The following ANO4 variants were observed in gnomAD, a reference collection of about 807,000 sequenced individuals.
ANO4 encodes anoctamin 4.
In ANO4, 69 loss-of-function variants were observed where a neutral mutation model predicts 141.9. The ratio of observed to expected loss-of-function variants is 0.49; its 90% confidence interval spans 0.40 to 0.59. ANO4 has a LOEUF of 0.59. Among genes scored for constraint, ANO4 ranks in the 20% least tolerant of loss-of-function variants. The pLI, the probability that ANO4 is intolerant of heterozygous loss-of-function variation, is 0.00. For missense variants in ANO4, 894 were observed against 1,162.2 expected (o/e 0.77, Z 3.36); for synonymous variants, 350 against 394.3 (o/e 0.89, Z 1.33).
intron 7 of ANO4, among the ~76,000 whole-genome samples, chr12:100,984,086 T>C (rs1290098411): frequency 1.3e-5 from 2 of 152,116 alleles, no homozygotes; most frequent in African/African-American, 4.8e-5. Context: ...GCCCAACCAG[T>C]GTCTCGGGGA....
chr12:101,110,325 C>T (rs1474206780), intron 22 of ANO4, 79 bp from the exon 23 acceptor site: 6 of 1,413,648 alleles, frequency 4.2e-6, no homozygotes, highest in Non-Finnish European at 5.6e-6. Flanking sequence ...AAGACAATAA[C>T]ATATTCAGAT....
intron 5 of ANO4, 55 bp downstream of exon 5, chr12:100,942,590 A>G: frequency 6.5e-7 from 1 of 1,543,124 alleles, no homozygotes; most frequent in Non-Finnish European, 8.8e-7. Context: ...TCATATGAAG[A>G]GGCAATAAGA....
intron 8 of ANO4, among the ~76,000 whole-genome samples, chr12:100,991,895 T>C (rs752302483): frequency 2.6e-5 from 4 of 152,112 alleles, no homozygotes; most frequent in Non-Finnish European, 5.9e-5. Context: ...TCAAACCAAA[T>C]CCAAGATACC....
chr12:101,075,918 A>G (rs1566212593), intron 14 of ANO4, among the ~76,000 whole-genome samples: 1 of 152,002 alleles, frequency 6.6e-6, no homozygotes, highest in East Asian at 1.9e-4. Flanking sequence ...CTTTGCCTTG[A>G]AAAGAGACAA....
chr12:100,729,792 C>T (rs2031309650), intron 1 of ANO4, among the ~76,000 whole-genome samples: 2 of 152,180 alleles, frequency 1.3e-5, no homozygotes, highest in African/African-American at 4.8e-5. Context: ...TTGGCAATTG[C>T]CACGGCTCTT....
intron 22 of ANO4, among the ~76,000 whole-genome samples, chr12:101,110,122 C>T (rs1025197631): frequency 2.0e-5 from 3 of 152,090 alleles, no homozygotes; most frequent in Non-Finnish European, 4.4e-5. Context: ...TGGAATCAAA[C>T]CATCCTCCAA....
At chr12:100,874,458 G>A (rs1234698089) in intron 1 of ANO4, among the ~76,000 whole-genome samples, 2 of 152,234 alleles carry the variant, frequency 1.3e-5, no homozygotes, top group East Asian at 3.8e-4. Flanking sequence ...CTTGCATCAG[G>A]TGGCCAGGAT....
intron 5 of ANO4, 135 bp downstream of exon 5, chr12:100,942,670 G>C: frequency 1.1e-6 from 1 of 941,164 alleles, no homozygotes; most frequent in Non-Finnish European, 1.5e-6. Flanking sequence ...TCAGAGTTTG[G>C]GGAATGTTCC....
At chr12:100,908,698 C>G (rs189904072) in intron 2 of ANO4, among the ~76,000 whole-genome samples, 1 of 152,234 alleles carries the variant, frequency 6.6e-6, no homozygotes, top group Admixed American at 6.5e-5. Flanking sequence ...AGTCATAGAT[C>G]TTAGTAGCAG....
chr12:101,074,756 A>C (rs2048957691), intron 14 of ANO4, among the ~76,000 whole-genome samples: 1 of 152,246 alleles, frequency 6.6e-6, no homozygotes, highest in Non-Finnish European at 1.5e-5. Flanking sequence ...TAAAGCATTC[A>C]GAAAGTGTAG....
At chr12:100,738,166 A>G (rs2031693845) in intron 2 of ANO4, among the ~76,000 whole-genome samples, 1 of 152,168 alleles carries the variant, frequency 6.6e-6, no homozygotes, top group Non-Finnish European at 1.5e-5. Context: ...TTTTGGGTTC[A>G]GTGGGAATTG....
At chr12:100,752,864 C>T (rs2032445822) in intron 3 of ANO4, among the ~76,000 whole-genome samples, 1 of 152,146 alleles carries the variant, frequency 6.6e-6, no homozygotes, top group Non-Finnish European at 1.5e-5. Context: ...ACCCCAAAAC[C>T]TCAGTGGCAT....
At chr12:100,971,867 A>AC (rs2043950965) in intron 6 of ANO4, among the ~76,000 whole-genome samples, 1 of 151,026 alleles carries the variant, frequency 6.6e-6, no homozygotes, top group South Asian at 2.1e-4. Flanking sequence ...AAAAAAAAAC[A>AC]AAAAAAACCA....
chr12:100,983,382 A>G (rs2044571023), intron 7 of ANO4, among the ~76,000 whole-genome samples: 1 of 152,226 alleles, frequency 6.6e-6, no homozygotes, highest in African/African-American at 2.4e-5. Context: ...GTATTAGCTC[A>G]CAATTCTGTA....
At chr12:100,949,493 C>T (rs575674468) in intron 5 of ANO4, among the ~76,000 whole-genome samples, 2 of 152,320 alleles carry the variant, frequency 1.3e-5, no homozygotes, top group Non-Finnish European at 2.9e-5. Flanking sequence ...GTGCTTATCT[C>T]TGTGCCTTTT....
chr12:100,954,957 G>T (rs2043122592), intron 5 of ANO4, among the ~76,000 whole-genome samples: 1 of 152,134 alleles, frequency 6.6e-6, no homozygotes, highest in South Asian at 2.1e-4. Flanking sequence ...GCAGGGGAGG[G>T]AAAAGAAACA....
Position 101,047,845 on chromosome 12 carries a change from CT to C in ANO4, c.1252-490del, listed in dbSNP as rs753465643. 23 of 211,028 alleles carry C rather than the reference CT, an allele frequency of 1.1e-4. 1 individual carries two copies. In the East Asian group the frequency reaches 2.0e-3, roughly 19 times the overall value. The allele number at this position is 211,028 out of a possible 1,614,324, so 13.1% of individuals were successfully genotyped here. ...GTTGGATTTAGTTAATGGTTCTGCTCTTTTTTATAAGGCTGAAATCCAGAGG... is the reference window on the plus strand; with the variant it reads ...GTTGGATTTAGTTAATGGTTCTGCTCTTTTTATAAGGCTGAAATCCAGAGG... On this transcript the variant is annotated intron_variant, in intron 13 of 27. Coordinates refer to ENST00000392977, the MANE Select transcript of ANO4 (RefSeq NM_001286615.2).
chr12:100,824,628 T>C (rs906953289), intron 1 of ANO4, among the ~76,000 whole-genome samples: 1 of 152,008 alleles, frequency 6.6e-6, no homozygotes, highest in Non-Finnish European at 1.5e-5. Flanking sequence ...TTGTCACAGA[T>C]GGGGATGAAA....
In ANO4 at chr12:100,810,345, A is replaced by C. The variant is rs528048556; in HGVS notation, c.-141+15318A>C. On this transcript the variant is annotated intron_variant, in intron 1 of 27. Coordinates refer to ENST00000392977, the MANE Select transcript of ANO4 (RefSeq NM_001286615.2). ...AGAAGGAACTGTGCTTGGCATGGTT[A>C]AGGAATAATGAGGAGGCCAAAAGGG... Among the ~76,000 whole-genome samples, 86 of 152,216 alleles carry C rather than the reference A, an allele frequency of 5.6e-4. 1 individual carries two copies. The South Asian group carries it at 0.017, about 30-fold the overall frequency.
Sources: allele counts gnomAD v4.1 joint callset (sites outside exome capture counted in the v4.1 genomes callset), GRCh38; gene constraint gnomAD v4.1.1; transcripts MANE v1.5; gene names NCBI Gene and HGNC (gene_info 2026-07-23, HGNC 2026-07-21).